UGGT2: variants seen among roughly 807,000 people sequenced by gnomAD.
UGGT2 encodes UDP-glucose:glycoprotein glucosyltransferase 2.
In UGGT2, 180 loss-of-function variants were observed where a neutral mutation model predicts 192.1. The ratio of observed to expected loss-of-function variants is 0.94; its 90% CI spans 0.83 to 1.06. The LOEUF (loss-of-function observed/expected upper bound fraction) is 1.06. Among genes scored for constraint, UGGT2 ranks in the 50% least tolerant of loss-of-function variants. The pLI is 0.00. For missense variants in UGGT2, 1,849 were observed against 1,795.7 expected, an observed-to-expected ratio of 1.03 and a Z score of -0.54; for synonymous variants, 580 against 591.0, an observed-to-expected ratio of 0.98 and a Z score of 0.27.
intron 36 of UGGT2, among the ~76,000 whole-genome samples, chr13:95,851,449 T>C (rs1158062465): frequency 6.6e-6 from 1 of 151,954 alleles, no homozygotes; most frequent in African/African-American, 2.4e-5. Context: ...AAGGCAGAGA[T>C]GTAGAGAATA....
At chr13:95,832,809 A>T in intron 38 of UGGT2, 118 bp downstream of exon 38, 1 of 1,451,762 alleles carries the variant, frequency 6.9e-7, no homozygotes, top group Non-Finnish European at 9.4e-7. Flanking sequence ...TATGCCACAG[A>T]CTTTCTTAAA....
At chr13:95,897,214 T>C (rs1158875935) in intron 22 of UGGT2, among the ~76,000 whole-genome samples, 2 of 152,030 alleles carry the variant, frequency 1.3e-5, no homozygotes, top group African/African-American at 4.8e-5. Context: ...ATTATTATCA[T>C]TCTCATTGTC....
intron 12 of UGGT2, 125 bp downstream of exon 12, chr13:95,969,987 T>C: frequency 1.0e-6 from 1 of 999,376 alleles, no homozygotes; most frequent in African/African-American, 1.6e-5. Context: ...TAGTTTGACT[T>C]TCTCTTTTCA....
At chr13:95,916,615 G>A (rs2048689098) in intron 20 of UGGT2, among the ~76,000 whole-genome samples, 1 of 152,124 alleles carries the variant, frequency 6.6e-6, no homozygotes, top group Admixed American at 6.5e-5. Context: ...TAAGCTAAAG[G>A]AGCATGTTCT....
chr13:96,034,451 G>C (rs1308500630), intron 1 of UGGT2, among the ~76,000 whole-genome samples: 1 of 152,190 alleles, frequency 6.6e-6, no homozygotes, highest in Non-Finnish European at 1.5e-5. Context: ...CATTCTTCCT[G>C]AACATGCAAC....
intron 31 of UGGT2, among the ~76,000 whole-genome samples, chr13:95,861,192 C>T (rs1411146775): frequency 6.6e-6 from 1 of 151,450 alleles, no homozygotes; most frequent in Non-Finnish European, 1.5e-5. Context: ...CTTGACATGG[C>T]CATATCTAGT....
In UGGT2 at chr13:95,832,928, T is replaced by G; in HGVS notation, c.4527A>C (p.Thr1509=). The G allele has an allele frequency of 6.2e-7, 1 of 1,612,252 alleles. No homozygotes were observed. Among genetic ancestry groups the G allele is most frequent in the Non-Finnish European group, 8.5e-7 (1 of 1,178,794 alleles). Residue 1509 remains threonine (T), a splice_region_variant and synonymous_variant, in exon 38 of 39, where the codon ACA becomes ACC. Coordinates refer to ENST00000376747, the MANE Select transcript of UGGT2 (RefSeq NM_020121.4). ...LDHLENKKQD[T]ILTHDEL Reference sequence around the variant, plus strand: ...CATCACAACACGTTGATGACTTACTTGTATCTTGCTTCTTGTTTTCAAGAT... The same window carrying G: ...CATCACAACACGTTGATGACTTACTGGTATCTTGCTTCTTGTTTTCAAGAT...
At chr13:95,918,299 T>A (rs2048741701) in intron 20 of UGGT2, among the ~76,000 whole-genome samples, 1 of 152,116 alleles carries the variant, frequency 6.6e-6, no homozygotes, top group Non-Finnish European at 1.5e-5. Context: ...ATAATGAAAT[T>A]AAGGCAGAAA....
At chr13:96,041,148 G>A (rs1319301698) in intron 1 of UGGT2, among the ~76,000 whole-genome samples, 1 of 152,160 alleles carries the variant, frequency 6.6e-6, no homozygotes, top group Non-Finnish European at 1.5e-5. Context: ...GTAGGACCTG[G>A]GAGATACCCC....
intron 2 of UGGT2, among the ~76,000 whole-genome samples, chr13:96,029,510 T>A (rs2052768501): frequency 6.6e-6 from 1 of 152,110 alleles, no homozygotes; most frequent in South Asian, 2.1e-4. Flanking sequence ...GGTCTCGAAC[T>A]CCTGGCCTCA....
chr13:95,808,581 T>C (rs1455953191), intron 38 of UGGT2, among the ~76,000 whole-genome samples: 2 of 152,156 alleles, frequency 1.3e-5, no homozygotes, highest in Non-Finnish European at 1.5e-5. Context: ...TCTTCACATA[T>C]GTACCAAAAA....
Position 95,985,330 on chromosome 13 carries a change from T to A in UGGT2, c.1031+1003A>T, listed in dbSNP as rs567952574. 4.8e-6 allele frequency: 6 copies of A among 1,247,070 alleles called. No homozygotes were observed. In the African/African-American group the frequency reaches 9.3e-5, roughly 19 times the overall value. 77.3% of individuals were successfully genotyped at this position (1,247,070 alleles called of 1,614,324 possible). A position where few individuals can be genotyped will look rare whatever the true frequency, so the allele number is the denominator to read the frequency against. On this transcript the variant is annotated intron_variant, in intron 9 of 38. Coordinates refer to ENST00000376747, the MANE Select transcript of UGGT2 (RefSeq NM_020121.4). ...TGAAAGAGGCATATCAATATATTCA[T>A]TCTTAATCTGTAAATAAGGAAACAA...
chr13:95,882,685 T>C (rs562483271), intron 27 of UGGT2, among the ~76,000 whole-genome samples: 1 of 152,300 alleles, frequency 6.6e-6, no homozygotes, highest in Non-Finnish European at 1.5e-5. Context: ...AGAGCTAGTG[T>C]TCATCCGAAC....
intron 31 of UGGT2, among the ~76,000 whole-genome samples, chr13:95,862,033 T>C (rs1314544385): frequency 6.6e-6 from 1 of 152,182 alleles, no homozygotes; most frequent in Non-Finnish European, 1.5e-5. Flanking sequence ...CTAACTTTAA[T>C]GGAAGCTTTT....
chr13:95,972,298 C>T (rs2050797912), intron 11 of UGGT2, among the ~76,000 whole-genome samples: 1 of 151,656 alleles, frequency 6.6e-6, no homozygotes, highest in African/African-American at 2.4e-5. Context: ...AATAACTTCT[C>T]TGCAAATCAT....
intron 22 of UGGT2, among the ~76,000 whole-genome samples, chr13:95,895,533 A>G (rs1185307181): frequency 6.6e-6 from 1 of 152,008 alleles, no homozygotes; most frequent in Non-Finnish European, 1.5e-5. Flanking sequence ...CAAAGTGACA[A>G]TATAAAAAAT....
chr13:95,931,562 G>A (rs1023995648), intron 17 of UGGT2, among the ~76,000 whole-genome samples: 7 of 151,962 alleles, frequency 4.6e-5, no homozygotes, highest in South Asian at 4.2e-4. Context: ...GGGTGGGGGT[G>A]GGGGGGAGGC....
intron 38 of UGGT2, among the ~76,000 whole-genome samples, chr13:95,809,962 T>C (rs1208511765): frequency 2.0e-5 from 3 of 152,326 alleles, no homozygotes; most frequent in East Asian, 1.9e-4. Context: ...ATGAGATAAA[T>C]AGGTATTTTG....
At chr13:95,949,560 CTA>C in intron 12 of UGGT2, 106 bp from the exon 13 acceptor site, 1 of 1,136,708 alleles carries the variant, frequency 8.8e-7, no homozygotes, top group Non-Finnish European at 1.2e-6. Flanking sequence ...ATAGAATTTT[CTA>C]TATTTCTGAT....
Sources: allele counts gnomAD v4.1 joint callset (sites outside exome capture counted in the v4.1 genomes callset), GRCh38; gene constraint gnomAD v4.1.1; transcripts MANE v1.5; gene names NCBI Gene and HGNC (gene_info 2026-07-23, HGNC 2026-07-21).